ROBO1: variants seen among roughly 807,000 people sequenced by gnomAD.
ROBO1 encodes the protein roundabout homolog 1.
A neutral mutation model predicts 195.9 loss-of-function variants in ROBO1; 149 were observed. The observed-to-expected ratio is 0.76, with a 90% CI of 0.67 to 0.87. ROBO1 has a LOEUF of 0.87. Ranked by LOEUF, ROBO1 falls within the 40% of genes least tolerant of loss-of-function variation. The pLI, the probability that ROBO1 is intolerant of heterozygous loss-of-function variation, is 0.00. For synonymous variants in ROBO1, 816 were observed against 733.2 expected, an observed-to-expected ratio of 1.11 and a Z score of -1.82; for missense variants, 1,933 against 2,068.3, an observed-to-expected ratio of 0.93 and a Z score of 1.27.
At chr3:78,893,624 AAATT>A (rs1446681563) in intron 4 of ROBO1, among the ~76,000 whole-genome samples, 4 of 152,228 alleles carry the variant, frequency 2.6e-5, no homozygotes, top group Admixed American at 2.6e-4. Flanking sequence ...GCAGATATAA[AAATT>A]AATCACTATA....
intron 2 of ROBO1, among the ~76,000 whole-genome samples, chr3:79,500,528 GC>G (rs1342765036): frequency 6.6e-6 from 1 of 152,192 alleles, no homozygotes; most frequent in Non-Finnish European, 1.5e-5. Flanking sequence ...TGACGCACCT[GC>G]CCTTGCAAGA....
chr3:78,670,335 C>T, intron 10 of ROBO1, 34 bp from the exon 11 acceptor site: 1 of 1,528,126 alleles, frequency 6.5e-7, no homozygotes, highest in Non-Finnish European at 8.9e-7. Flanking sequence ...TAGATTTCTG[C>T]AACTGGAAGC....
At chr3:78,641,290 T>C (rs188186873) in intron 21 of ROBO1, among the ~76,000 whole-genome samples, 1 of 152,238 alleles carries the variant, frequency 6.6e-6, no homozygotes. Context: ...CTGAAATTCA[T>C]ACCCTAGCAG....
intron 2 of ROBO1, among the ~76,000 whole-genome samples, chr3:79,514,895 A>C (rs1056929341): frequency 6.6e-6 from 1 of 152,260 alleles, no homozygotes; most frequent in Admixed American, 6.5e-5. Flanking sequence ...CTGTCTATCA[A>C]AAGAATTTCA....
At chr3:79,377,942 T>G (rs1394811859) in intron 2 of ROBO1, among the ~76,000 whole-genome samples, 1 of 152,172 alleles carries the variant, frequency 6.6e-6, no homozygotes, top group Non-Finnish European at 1.5e-5. Context: ...AGACTTTGCA[T>G]GACAAAGGTA....
At chr3:79,142,685 A>T (rs189101721) in intron 2 of ROBO1, among the ~76,000 whole-genome samples, 1 of 152,142 alleles carries the variant, frequency 6.6e-6, no homozygotes, top group Non-Finnish European at 1.5e-5. Context: ...AATGGATGAA[A>T]AGTTTACTAT....
At chr3:79,252,079 A>C (rs927353857) in intron 2 of ROBO1, among the ~76,000 whole-genome samples, 1 of 151,974 alleles carries the variant, frequency 6.6e-6, no homozygotes, top group Non-Finnish European at 1.5e-5. Flanking sequence ...TGTAAATTTT[A>C]TCTCACAATA....
At chr3:79,147,547 A>G (rs2080678330) in intron 2 of ROBO1, among the ~76,000 whole-genome samples, 2 of 151,970 alleles carry the variant, frequency 1.3e-5, no homozygotes, top group South Asian at 4.1e-4. Context: ...CCCATCCTTC[A>G]AATGACTTTA....
Position 79,227,717 on chromosome 3 carries a change from T to C in ROBO1, c.89-102178A>G, listed in dbSNP as rs566765491. Among the ~76,000 whole-genome samples, 4 of 152,316 alleles carry C rather than the reference T, an allele frequency of 2.6e-5. No homozygotes were observed. The East Asian group carries it at 7.7e-4, about 29-fold the overall frequency. ...GCTACCATTATCTTTATTAACTATT[T>C]GACCTCACAGGGTGAATTCTATATG... On this transcript the variant is annotated intron_variant, in intron 2 of 30. Coordinates refer to ENST00000464233, the MANE Select transcript of ROBO1 (RefSeq NM_002941.4).
At chr3:78,860,919 T>C (rs1477419129) in intron 4 of ROBO1, among the ~76,000 whole-genome samples, 2 of 152,170 alleles carry the variant, frequency 1.3e-5, no homozygotes, top group East Asian at 3.9e-4. Context: ...TCTTACCCAC[T>C]AAATTTCTTC....
At chr3:78,709,588 T>C (rs1362914994) in intron 8 of ROBO1, among the ~76,000 whole-genome samples, 1 of 152,192 alleles carries the variant, frequency 6.6e-6, no homozygotes, top group African/African-American at 2.4e-5. Flanking sequence ...CAGGGACAAG[T>C]AATCCCATGA....
At chr3:78,669,999 C>G in intron 11 of ROBO1, 97 bp downstream of exon 11, 2 of 847,624 alleles carry the variant, frequency 2.4e-6, no homozygotes, top group Non-Finnish European at 3.6e-6. Context: ...TCATTTAACA[C>G]TTCATTAATT....
chr3:79,557,762 A>G (rs7648633), intron 2 of ROBO1, among the ~76,000 whole-genome samples: 1 of 131,884 alleles, frequency 7.6e-6, no homozygotes, highest in Non-Finnish European at 1.6e-5. Context: ...ATATATATAT[A>G]TATTTTATTG....
chr3:79,240,059 A>G (rs1042017670), intron 2 of ROBO1, among the ~76,000 whole-genome samples: 2 of 152,150 alleles, frequency 1.3e-5, no homozygotes, highest in Non-Finnish European at 2.9e-5. Context: ...TGGTGAGAAT[A>G]TTTAAAGCCT....
At chr3:78,825,284 T>C (rs1284480339) in intron 4 of ROBO1, among the ~76,000 whole-genome samples, 1 of 152,182 alleles carries the variant, frequency 6.6e-6, no homozygotes, top group African/African-American at 2.4e-5. Context: ...GCAGAAAGTA[T>C]GTCATAACAA....
At chr3:79,578,129 A>G (rs1482239876) in intron 2 of ROBO1, among the ~76,000 whole-genome samples, 1 of 152,126 alleles carries the variant, frequency 6.6e-6, no homozygotes, top group Non-Finnish European at 1.5e-5. Flanking sequence ...GATAGCTAAA[A>G]TCCCAAACAC....
At chr3:79,316,721 C>A (rs888081586) in intron 2 of ROBO1, among the ~76,000 whole-genome samples, 18 of 151,912 alleles carry the variant, frequency 1.2e-4, no homozygotes, top group Non-Finnish European at 2.1e-4. Flanking sequence ...ACCAAGTGCC[C>A]AGCTGGGGTT....
chr3:79,071,149 T>C (rs1287492759), intron 3 of ROBO1, among the ~76,000 whole-genome samples: 1 of 151,894 alleles, frequency 6.6e-6, no homozygotes, highest in Non-Finnish European at 1.5e-5. Flanking sequence ...TGCTGTATAA[T>C]AGATCTCCTG....
chr3:79,315,735 G>A (rs984173930), intron 2 of ROBO1, among the ~76,000 whole-genome samples: 1 of 152,186 alleles, frequency 6.6e-6, no homozygotes, highest in African/African-American at 2.4e-5. Context: ...TAGATAGTTA[G>A]ATATAATAAT....
Sources: gnomAD v4.1 joint callset for allele counts (sites outside exome capture counted in the v4.1 genomes callset) on GRCh38, gnomAD v4.1.1 for gene constraint, MANE v1.5 for transcripts, NCBI Gene and HGNC (gene_info 2026-07-23, HGNC 2026-07-21) for gene names.